Variants in UNC13C observed in about 807,000 individuals in gnomAD.
UNC13C encodes protein unc-13 homolog C.
UNC13C carries 174 observed loss-of-function variants against 245.4 expected under a neutral mutation model. The ratio of observed to expected loss-of-function variants is 0.71; its 90% confidence interval spans 0.63 to 0.80. The LOEUF is 0.80. Ranked by LOEUF, UNC13C falls within the 30% of genes least tolerant of loss-of-function variation. The probability of loss-of-function intolerance (pLI) is 0.00; values close to 1 mark genes in which losing one functional copy is unlikely to be tolerated. For missense variants in UNC13C, 2,829 were observed against 2,602.9 expected, an observed-to-expected ratio of 1.09 and a Z score of -1.89; for synonymous variants, 992 against 895.1, an observed-to-expected ratio of 1.11 and a Z score of -1.93.
At chr15:54,197,064 T>C (rs559078061) in intron 4 of UNC13C, among the ~76,000 whole-genome samples, 2 of 152,002 alleles carry the variant, frequency 1.3e-5, no homozygotes, top group South Asian at 4.2e-4. Context: ...TAATAATAAT[T>C]AAAAAGAAAA....
intron 24 of UNC13C, among the ~76,000 whole-genome samples, chr15:54,517,351 G>A (rs147387514): frequency 1.8e-4 from 28 of 152,186 alleles, no homozygotes; most frequent in South Asian, 4.1e-4. Context: ...AAAGTTCTTC[G>A]TATTTAGTTA....
intron 7 of UNC13C, among the ~76,000 whole-genome samples, chr15:54,246,250 T>C (rs928377986): frequency 1.3e-5 from 2 of 152,176 alleles, no homozygotes; most frequent in African/African-American, 2.4e-5. Context: ...TTCTCTAGGG[T>C]GTGAGCATCC....
At chr15:54,074,068 A>G (rs1314631956) in intron 2 of UNC13C, among the ~76,000 whole-genome samples, 1 of 152,174 alleles carries the variant, frequency 6.6e-6, no homozygotes, top group African/African-American at 2.4e-5. Context: ...AGGTGTAAGG[A>G]AGGAGTCCGG....
intron 29 of UNC13C, among the ~76,000 whole-genome samples, chr15:54,562,944 G>T (rs1335855390): frequency 6.6e-6 from 1 of 152,022 alleles, no homozygotes; most frequent in Non-Finnish European, 1.5e-5. Context: ...CTCTGTTGAT[G>T]CATGGTCAGA....
intron 19 of UNC13C, among the ~76,000 whole-genome samples, chr15:54,427,327 T>A (rs1034519597): frequency 6.6e-6 from 1 of 151,706 alleles, no homozygotes; most frequent in African/African-American, 2.4e-5. Context: ...ATCAGAGGTT[T>A]CCACTTTTGT....
the UNC13C span, chr15:53,947,931 A>G: frequency 1.3e-5 from 2 of 152,240 alleles, no homozygotes; most frequent in Admixed American, 1.3e-4. Context: ...CATGATACAC[A>G]TTGTTGAAAC....
intron 10 of UNC13C, among the ~76,000 whole-genome samples, chr15:54,282,353 C>G (rs542004553): frequency 6.6e-6 from 1 of 152,248 alleles, no homozygotes; most frequent in African/African-American, 2.4e-5. Context: ...CTTCGCCAGA[C>G]TTGTAGAAGG....
chr15:54,116,419 T>C (rs987308245), intron 2 of UNC13C, among the ~76,000 whole-genome samples: 1 of 152,160 alleles, frequency 6.6e-6, no homozygotes, highest in Non-Finnish European at 1.5e-5. Context: ...AGCCTATCTT[T>C]ATAACCTCTT....
At chr15:54,161,811 A>G (rs1567059077) in intron 4 of UNC13C, among the ~76,000 whole-genome samples, 1 of 152,038 alleles carries the variant, frequency 6.6e-6, no homozygotes, top group Non-Finnish European at 1.5e-5. Flanking sequence ...AAAATTAGCC[A>G]GGCATGCACA....
chr15:54,320,082 T>C (rs147603412), intron 13 of UNC13C, among the ~76,000 whole-genome samples: 340 of 152,094 alleles, frequency 2.2e-3, no homozygotes, highest in African/African-American at 7.8e-3. Flanking sequence ...ACAGAAGATA[T>C]TTCTTTCTGA....
At chr15:53,931,589 G>C in the UNC13C span, among the ~76,000 whole-genome samples, 2 of 152,030 alleles carry the variant, frequency 1.3e-5, no homozygotes, top group Non-Finnish European at 2.9e-5. Context: ...TTTCCTGGGT[G>C]ATGCAGGGTA....
intron 4 of UNC13C, among the ~76,000 whole-genome samples, chr15:54,163,916 G>A (rs932998564): frequency 6.6e-6 from 1 of 152,154 alleles, no homozygotes; most frequent in Non-Finnish European, 1.5e-5. Context: ...GCCTGATTGT[G>A]AATTTATGGG....
At chr15:54,187,310 A>T (rs971221286) in intron 4 of UNC13C, among the ~76,000 whole-genome samples, 3 of 152,124 alleles carry the variant, frequency 2.0e-5, no homozygotes, top group East Asian at 3.9e-4. Context: ...CCACAAGAAG[A>T]TGTTCTCCAT....
intron 29 of UNC13C, among the ~76,000 whole-genome samples, chr15:54,560,782 C>A (rs1897270337): frequency 6.6e-6 from 1 of 151,840 alleles, no homozygotes; most frequent in Non-Finnish European, 1.5e-5. Flanking sequence ...GAGAAAGACA[C>A]CAATGTGCAA....
chr15:54,289,047 G>A (rs755065002), intron 10 of UNC13C, among the ~76,000 whole-genome samples: 1 of 152,092 alleles, frequency 6.6e-6, no homozygotes, highest in Non-Finnish European at 1.5e-5. Context: ...TATTTCTGAA[G>A]TTGCACTTAG....
chr15:54,114,255 T>C (rs1211092102), intron 2 of UNC13C, among the ~76,000 whole-genome samples: 1 of 152,208 alleles, frequency 6.6e-6, no homozygotes, highest in Non-Finnish European at 1.5e-5. Flanking sequence ...TTGACACTTT[T>C]AATTAAAAGA....
In UNC13C at chr15:54,014,688, G is replaced by C; in HGVS notation, c.1785G>C (p.Ala595=). 6.2e-7 allele frequency: 1 copy of C among 1,613,714 alleles called. No homozygotes were observed. Among genetic ancestry groups the C allele is most frequent in the Non-Finnish European group, 8.5e-7 (1 of 1,179,824 alleles). Reference sequence around the variant, plus strand: ...GGCAGAGGAAACAGGAAGGAACAGCGACCCTGTATGACAGTCCCAAGGACC... The same window carrying C: ...GGCAGAGGAAACAGGAAGGAACAGCCACCCTGTATGACAGTCCCAAGGACC... The part of the protein sequence containing the change: ...ELWQRKQEGT[A]TLYDSPKDQH... Residue 595 remains alanine (A), a synonymous_variant, in exon 2 of 33, where the codon GCG becomes GCC. Coordinates refer to ENST00000260323, the MANE Select transcript of UNC13C (RefSeq NM_001080534.3).
the UNC13C span, among the ~76,000 whole-genome samples, chr15:53,959,280 G>GT: frequency 4.3e-3 from 637 of 148,152 alleles, 1 homozygote; most frequent in Middle Eastern, 0.014. Context: ...TAGATATACT[G>GT]TTTTTTTTTT....
the UNC13C span, among the ~76,000 whole-genome samples, chr15:53,935,168 C>A: frequency 6.8e-6 from 1 of 146,626 alleles, no homozygotes; most frequent in Middle Eastern, 3.5e-3. Context: ...AAAAAAAAAA[C>A]CTCTTTCAAT....
Sources: gnomAD v4.1 joint callset for allele counts (sites outside exome capture counted in the v4.1 genomes callset) on GRCh38, gnomAD v4.1.1 for gene constraint, MANE v1.5 for transcripts, NCBI Gene and HGNC (gene_info 2026-07-23, HGNC 2026-07-21) for gene names.